TRAPPC3: variants seen among roughly 807,000 people sequenced by gnomAD.
The protein encoded by TRAPPC3 is trafficking protein particle complex subunit 3.
TRAPPC3 carries 5 observed loss-of-function variants against 18.2 expected under a neutral mutation model. The observed-to-expected ratio is 0.28, with a 90% CI of 0.14 to 0.58. The LOEUF is 0.58. TRAPPC3 is among the 20% of genes least tolerant of loss of function. The pLI is 0.91. For synonymous variants in TRAPPC3, 65 were observed against 84.2 expected (o/e 0.77, Z 1.25); for missense variants, 176 against 225.9 (o/e 0.78, Z 1.41).
rs760356130 is a variant in TRAPPC3 at position 36,139,724 on chromosome 1, G to A, written c.236C>T (p.Ala79Val). ...HDFRETADVIAKVAFKMYLGI... is the reference protein window; with the variant it reads ...HDFRETADVIVKVAFKMYLGI... Reference sequence around the variant, plus strand: ...CAGGTGGCCCAGAATAATGACCTTGGCAATGACATCCGCAGTTTCCCGAAA... The same window carrying A: ...CAGGTGGCCCAGAATAATGACCTTGACAATGACATCCGCAGTTTCCCGAAA... Residue 79 changes from alanine to valine, a missense_variant, in exon 3 of 5, where the codon GCC (alanine) becomes GTC (valine). Around this residue, in one of 2 missense-constraint regions of TRAPPC3, gnomAD observed 147 missense variants for 164.3 expected, o/e 0.89. Coordinates refer to ENST00000373166, the MANE Select transcript of TRAPPC3 (RefSeq NM_014408.5). 5 of 1,614,042 alleles carry A rather than the reference G, an allele frequency of 3.1e-6. No homozygotes were observed. The East Asian group carries it at 1.1e-4, about 36-fold the overall frequency.
chr1:36,145,664 T>C (rs1644183513), intron 1 of TRAPPC3, among the ~76,000 whole-genome samples: 1 of 152,238 alleles, frequency 6.6e-6, no homozygotes, highest in Non-Finnish European at 1.5e-5. Flanking sequence ...AGAGGACACT[T>C]ACTGGGTGTC....
At chr1:36,154,664 C>T (rs545146974) in intron 1 of TRAPPC3, among the ~76,000 whole-genome samples, 9 of 152,306 alleles carry the variant, frequency 5.9e-5, no homozygotes, top group Middle Eastern at 6.8e-3. Context: ...CACCATTATA[C>T]TTGTTTACTG....
At chr1:36,154,206 T>C (rs1335868785), upstream of TRAPPC3, among the ~76,000 whole-genome samples, 2 of 152,182 alleles carry the variant, frequency 1.3e-5, no homozygotes, top group African/African-American at 2.4e-5. Flanking sequence ...GGTTTCACCA[T>C]GTTGGCCAGG....
chr1:36,152,123 A>C (rs1323684594), upstream of TRAPPC3, among the ~76,000 whole-genome samples: 2 of 152,152 alleles, frequency 1.3e-5, no homozygotes, highest in African/African-American at 4.8e-5. Context: ...GTGTGGGAGC[A>C]GCATCCAAGG....
chr1:36,144,289 C>CAAAAAAAAA (rs58378686), intron 1 of TRAPPC3, among the ~76,000 whole-genome samples: 48 of 57,412 alleles, frequency 8.4e-4, no homozygotes, highest in African/African-American at 3.7e-3. Context: ...ACCCTGTCTC[C>CAAAAAAAAA]AAAAAAAAAA....
chr1:36,143,821 T>C (rs956311099), intron 1 of TRAPPC3, among the ~76,000 whole-genome samples: 1 of 152,232 alleles, frequency 6.6e-6, no homozygotes, highest in African/African-American at 2.4e-5. Flanking sequence ...TTAATCTTCC[T>C]GAACATTAGT....
intron 1 of TRAPPC3, among the ~76,000 whole-genome samples, chr1:36,148,361 G>A (rs1303412103): frequency 1.3e-5 from 2 of 152,110 alleles, no homozygotes; most frequent in African/African-American, 2.4e-5. Context: ...TTGGGAGGCC[G>A]AGACAGGCGG....
At chr1:36,152,938 C>T (rs968953679), upstream of TRAPPC3, among the ~76,000 whole-genome samples, 1 of 152,244 alleles carries the variant, frequency 6.6e-6, no homozygotes, top group Non-Finnish European at 1.5e-5. Context: ...GCGTGAGCCA[C>T]TGTGCCTGGC....
At chr1:36,152,232 A>T (rs1644276412), upstream of TRAPPC3, among the ~76,000 whole-genome samples, 2 of 151,590 alleles carry the variant, frequency 1.3e-5, no homozygotes, top group African/African-American at 4.8e-5. Flanking sequence ...CCAAACTAGG[A>T]GGCTGAAAAT....
chr1:36,145,340 C>T (rs949561419), intron 1 of TRAPPC3, among the ~76,000 whole-genome samples: 1 of 152,044 alleles, frequency 6.6e-6, no homozygotes, highest in Non-Finnish European at 1.5e-5. Context: ...GGAGGCTGAT[C>T]TTTAGAGCCA....
intron 1 of TRAPPC3, among the ~76,000 whole-genome samples, chr1:36,148,215 C>T (rs1570103520): frequency 6.6e-6 from 1 of 152,332 alleles, no homozygotes; most frequent in Non-Finnish European, 1.5e-5. Flanking sequence ...AATCCCAGCA[C>T]TTTGGGAGCC....
In TRAPPC3 at chr1:36,137,887, G is replaced by A. The variant is rs1415873534; in HGVS notation, c.332C>T (p.Pro111Leu). ...DEFSLILENN[P>L]LVDFVELPDN... Reference sequence around the variant, plus strand: ...AGGAAGTTCCACAAAGTCCACCAAGGGGTTATTTTCCAAAATGAGGGAGAA... The same window carrying A: ...AGGAAGTTCCACAAAGTCCACCAAGAGGTTATTTTCCAAAATGAGGGAGAA... The change falls in exon 4 of 5, where the codon CCC becomes CTC. Residue 111 changes from proline to leucine, a missense_variant. This residue lies in a region of TRAPPC3 where 147 missense variants were observed against 164.3 expected (regional missense o/e 0.89). Transcript: ENST00000373166. 1 of 1,614,140 alleles carries A rather than the reference G, an allele frequency of 6.2e-7. No homozygotes were observed. Among genetic ancestry groups the A allele is most frequent in the Admixed American group, 1.7e-5 (1 of 60,010 alleles).
At chr1:36,146,242 C>A (rs1644196844) in intron 1 of TRAPPC3, among the ~76,000 whole-genome samples, 1 of 150,078 alleles carries the variant, frequency 6.7e-6, no homozygotes, top group Non-Finnish European at 1.5e-5. Flanking sequence ...CCACACCCAG[C>A]TAATTTTTGT....
intron 1 of TRAPPC3, chr1:36,149,050 TAGTA>T (rs1369839651): frequency 4.7e-6 from 6 of 1,283,922 alleles, no homozygotes; most frequent in Middle Eastern, 2.9e-4. Context: ...GCCCAACACA[TAGTA>T]AGAGAGAAGT....
chr1:36,140,076 C>T lies in TRAPPC3; in HGVS notation c.133G>A (p.Asp45Asn), dbSNP rs749963001. Reference protein sequence around the residue: ...ENDEDVNKQLDKMGFNIGVRL... With the variant: ...ENDEDVNKQLNKMGFNIGVRL... The stretch of plus-strand genomic sequence containing the variant: ...ATGAAGGAGCTCACTCACATTTTGT[C>T]CAGCTGTTTATTCACATCTTCATCA... Residue 45 changes from aspartate (D) to asparagine (N), a missense_variant, in exon 2 of 5, where the codon GAC (aspartate) becomes AAC (asparagine). Physicochemically the swap from Asp to Asn is conservative, Grantham distance 23. Around this residue, in one of 2 missense-constraint regions of TRAPPC3, gnomAD observed 147 missense variants for 164.3 expected, o/e 0.89. Transcript: ENST00000373166. 3 of 1,598,008 alleles carry T rather than the reference C, an allele frequency of 1.9e-6. No homozygotes were observed. The highest frequency in any genetic ancestry group is 1.8e-5 in the Admixed American group (1 of 55,820).
At chr1:36,139,239 A>C (rs1295843065) in intron 3 of TRAPPC3, among the ~76,000 whole-genome samples, 3 of 143,458 alleles carry the variant, frequency 2.1e-5, no homozygotes, top group Admixed American at 7.0e-5. Flanking sequence ...GCTCACTGCA[A>C]CCTCCGCCTC....
At position 36,139,525 on chromosome 1, in the gene TRAPPC3, C is replaced by T. The variant is rs1644075693; in HGVS notation, c.240+195G>A. The T allele has an allele frequency of 4.4e-6, 3 of 674,704 alleles. No individual in the cohort carries two copies. The South Asian group carries it at 6.0e-5, about 14-fold the overall frequency. 41.8% of individuals were successfully genotyped at this position (674,704 alleles called of 1,614,324 possible). A position where few individuals can be genotyped will look rare whatever the true frequency, so the allele number is the denominator to read the frequency against. ...AGTGGAAAAGCTCAGGCTTTGATTTCAGTGGGGCTTTAATCCACAGGGATT... is the reference window on the plus strand; with the variant it reads ...AGTGGAAAAGCTCAGGCTTTGATTTTAGTGGGGCTTTAATCCACAGGGATT... On this transcript the variant is annotated intron_variant, in intron 3 of 4. Transcript: ENST00000373166.
intron 1 of TRAPPC3, among the ~76,000 whole-genome samples, chr1:36,144,625 GC>G (rs1388880856): frequency 6.6e-6 from 1 of 152,212 alleles, no homozygotes; most frequent in African/African-American, 2.4e-5. Flanking sequence ...CTGCATTCCA[GC>G]CTGGACAACA....
chr1:36,137,999 G>C (rs1644051120), intron 3 of TRAPPC3, 21 bp from the exon 4 acceptor site: 1 of 1,612,066 alleles, frequency 6.2e-7, no homozygotes, highest in African/African-American at 1.3e-5. Flanking sequence ...ACACACAACA[G>C]CACTTTGGGG....
Sources: allele counts gnomAD v4.1 joint callset (sites outside exome capture counted in the v4.1 genomes callset), GRCh38; gene constraint gnomAD v4.1.1; regional missense constraint gnomAD v4.1.1; transcripts MANE v1.5; gene names NCBI Gene and HGNC (gene_info 2026-07-23, HGNC 2026-07-21).